SLC24A2: variants seen among roughly 807,000 people sequenced by gnomAD.
The protein encoded by SLC24A2 is sodium/potassium/calcium exchanger 2.
Under a neutral mutation model 62.0 loss-of-function variants are expected in SLC24A2, and 36 were observed. The ratio of observed to expected loss-of-function variants is 0.58; its 90% CI spans 0.44 to 0.77. The LOEUF is 0.77. Ranked by LOEUF, SLC24A2 falls within the 30% of genes least tolerant of loss-of-function variation. The pLI, the probability that SLC24A2 is intolerant of heterozygous loss-of-function variation, is 0.00. For missense variants in SLC24A2, 846 were observed against 817.9 expected (o/e 1.03, Z -0.42); for synonymous variants, 358 against 294.0 (o/e 1.22, Z -2.23).
chr9:19,862,840 G>C, the SLC24A2 span, among the ~76,000 whole-genome samples: 1 of 151,488 alleles, frequency 6.6e-6, no homozygotes, highest in African/African-American at 2.4e-5. Flanking sequence ...AGCATGCAAT[G>C]GGTACCCAAA....
intron 2 of SLC24A2, among the ~76,000 whole-genome samples, chr9:19,724,490 A>C (rs1053718233): frequency 6.6e-6 from 1 of 152,178 alleles, no homozygotes; most frequent in African/African-American, 2.4e-5. Context: ...TGTCTAAACA[A>C]CTTGACATGC....
At chr9:19,665,539 C>T (rs1819227182) in intron 2 of SLC24A2, among the ~76,000 whole-genome samples, 1 of 152,034 alleles carries the variant, frequency 6.6e-6, no homozygotes, top group Non-Finnish European at 1.5e-5. Context: ...TAGAATCAGG[C>T]AAAAGTAGAT....
chr9:19,649,309 G>C (rs961826313), intron 2 of SLC24A2, among the ~76,000 whole-genome samples: 2 of 151,622 alleles, frequency 1.3e-5, no homozygotes, highest in African/African-American at 4.8e-5. Context: ...TTTTTTTCCA[G>C]ATAATATATG....
At chr9:20,045,301 G>A in the SLC24A2 span, among the ~76,000 whole-genome samples, 1 of 152,242 alleles carries the variant, frequency 6.6e-6, no homozygotes, top group Non-Finnish European at 1.5e-5. Context: ...CTCAGAGAGC[G>A]TGTACAAAGC....
intron 4 of SLC24A2, among the ~76,000 whole-genome samples, chr9:19,601,210 A>G (rs1836831603): frequency 6.6e-6 from 1 of 152,090 alleles, no homozygotes; most frequent in African/African-American, 2.4e-5. Flanking sequence ...GTAAAATTGC[A>G]CCAATCAGTA....
At chr9:20,202,554 G>C in the SLC24A2 span, among the ~76,000 whole-genome samples, 3 of 152,160 alleles carry the variant, frequency 2.0e-5, no homozygotes, top group Non-Finnish European at 4.4e-5. Flanking sequence ...TCAGGGAGTG[G>C]AGAGATGGGC....
chr9:19,707,707 C>G (rs1028218470), intron 2 of SLC24A2, among the ~76,000 whole-genome samples: 1 of 152,164 alleles, frequency 6.6e-6, no homozygotes, highest in African/African-American at 2.4e-5. Context: ...TTCAACAACC[C>G]TTCATGCTTA....
chr9:20,065,817 G>A, the SLC24A2 span, among the ~76,000 whole-genome samples: 1 of 152,122 alleles, frequency 6.6e-6, no homozygotes, highest in Non-Finnish European at 1.5e-5. Flanking sequence ...TGTTTAGATA[G>A]TTTAAAAACA....
At chr9:20,183,225 T>C in the SLC24A2 span, among the ~76,000 whole-genome samples, 1 of 152,178 alleles carries the variant, frequency 6.6e-6, no homozygotes, top group African/African-American at 2.4e-5. Context: ...CTAAGTATCA[T>C]AGCTGATTCC....
At chr9:20,223,844 GA>G in the SLC24A2 span, among the ~76,000 whole-genome samples, 1 of 152,108 alleles carries the variant, frequency 6.6e-6, no homozygotes, top group Non-Finnish European at 1.5e-5. Context: ...AGAGCTACCT[GA>G]GACAGTAATT....
At chr9:19,921,248 G>A in the SLC24A2 span, among the ~76,000 whole-genome samples, 1 of 152,070 alleles carries the variant, frequency 6.6e-6, no homozygotes, top group Non-Finnish European at 1.5e-5. Context: ...ACATGGCCGG[G>A]CATGGTGGCT....
In SLC24A2 at chr9:19,762,886, T is replaced by C. The variant is rs550082225; in HGVS notation, c.930+23051A>G. ...CAATGGTAGCTTGATGGGAATAGCA[T>C]TGAATCTATAAATTACTATGGGCAG... On this transcript the variant is annotated intron_variant, in intron 2 of 10. Transcript: ENST00000341998. 2.3e-3 allele frequency among the ~76,000 whole-genome samples: 344 copies of C among 150,960 alleles called. 3 individuals carry two copies. The highest frequency in any genetic ancestry group is 7.8e-3 in the African/African-American group (321 of 41,150).
chr9:19,567,735 C>T (rs1835715539), intron 7 of SLC24A2, among the ~76,000 whole-genome samples: 1 of 149,128 alleles, frequency 6.7e-6, no homozygotes, highest in Non-Finnish European at 1.5e-5. Context: ...TTCTCAGTGG[C>T]ATCCCAGATC....
chr9:19,929,511 G>A, the SLC24A2 span: 1 of 152,190 alleles, frequency 6.6e-6, no homozygotes, highest in African/African-American at 2.4e-5. Context: ...CCATCAGCAT[G>A]TGGTAGAGCA....
Position 19,515,378 on chromosome 9 carries a change from T to G in SLC24A2, c.*775A>C, listed in dbSNP as rs991561300. 6.6e-6 allele frequency: 1 copy of G among 152,158 alleles called. No homozygotes were observed. The highest frequency in any genetic ancestry group is 1.5e-5 in the Non-Finnish European group (1 of 68,050). 9.4% of individuals were successfully genotyped at this position (152,158 alleles called of 1,614,324 possible). On this transcript the variant is annotated 3_prime_UTR_variant, in exon 11 of 11. Transcript: ENST00000341998. ...GGGTACTCTGGTGGAGGTGGGCAGA[T>G]AGTCTCTCTGTTTGGCTTGTAGGAA...
At chr9:19,885,852 T>C in the SLC24A2 span, among the ~76,000 whole-genome samples, 62,231 of 151,984 alleles carry the variant, frequency 0.41, 13,341 homozygotes, top group East Asian at 0.84. Context: ...ATGTGGTACT[T>C]GGTTTTCTGC....
intron 10 of SLC24A2, among the ~76,000 whole-genome samples, chr9:19,519,349 T>G (rs932007324): frequency 8.1e-4 from 119 of 147,680 alleles, no homozygotes; most frequent in African/African-American, 1.7e-3. Context: ...TTAAACTTCC[T>G]TGTGTGTGTG....
chr9:19,968,862 A>C, the SLC24A2 span, among the ~76,000 whole-genome samples: 1 of 152,172 alleles, frequency 6.6e-6, no homozygotes, highest in African/African-American at 2.4e-5. Flanking sequence ...TATAAATGGA[A>C]AATTAACTGA....
chr9:19,902,295 G>A, the SLC24A2 span, among the ~76,000 whole-genome samples: 3 of 152,146 alleles, frequency 2.0e-5, no homozygotes, highest in Non-Finnish European at 2.9e-5. Context: ...TCAGTTGGGA[G>A]GCTTGGGATT....
Sources: allele counts gnomAD v4.1 joint callset (sites outside exome capture counted in the v4.1 genomes callset), GRCh38; gene constraint gnomAD v4.1.1; transcripts MANE v1.5; gene names NCBI Gene and HGNC (gene_info 2026-07-23, HGNC 2026-07-21).